Variants in SYT1 observed in about 807,000 individuals in gnomAD.
SYT1 encodes the protein synaptotagmin 1.
Under a neutral mutation model 44.8 loss-of-function variants are expected in SYT1, and 8 were observed. That is an observed-to-expected ratio of 0.18 (90% CI 0.10 to 0.32). The LOEUF (loss-of-function observed/expected upper bound fraction) is 0.32, where lower values mean the gene tolerates loss of function less well. SYT1 is among the 10% of genes least tolerant of loss of function. The probability of loss-of-function intolerance (pLI) is 1.00; values close to 1 mark genes in which losing one functional copy is unlikely to be tolerated. For missense variants in SYT1, 286 were observed against 509.3 expected (o/e 0.56, Z 4.22); for synonymous variants, 154 against 188.8 (o/e 0.82, Z 1.51).
intron 9 of SYT1, among the ~76,000 whole-genome samples, chr12:79,391,468 G>T (rs1162198137): frequency 1.3e-5 from 2 of 152,120 alleles, no homozygotes; most frequent in African/African-American, 4.8e-5. Flanking sequence ...TATTGCTTAA[G>T]ATTTTTGAAA....
chr12:79,159,940 C>T (rs1201970619), intron 3 of SYT1, among the ~76,000 whole-genome samples: 3 of 152,012 alleles, frequency 2.0e-5, no homozygotes, highest in African/African-American at 7.2e-5. Context: ...ATCACTGGTT[C>T]CAGCCACTGA....
intron 9 of SYT1, among the ~76,000 whole-genome samples, chr12:79,401,832 G>C (rs973256581): frequency 2.6e-5 from 4 of 151,810 alleles, no homozygotes; most frequent in African/African-American, 9.7e-5. Flanking sequence ...ACCATGTCCG[G>C]CTAATTATTT....
intron 4 of SYT1, among the ~76,000 whole-genome samples, chr12:79,238,111 G>A (rs1232164745): frequency 6.6e-6 from 1 of 152,098 alleles, no homozygotes; most frequent in Admixed American, 6.5e-5. Context: ...GGTTAACAGT[G>A]AGGTTGGTGT....
At chr12:79,300,818 T>TATAC (rs1432893781) in intron 8 of SYT1, among the ~76,000 whole-genome samples, 4 of 140,088 alleles carry the variant, frequency 2.9e-5, no homozygotes, top group Non-Finnish European at 6.1e-5. Context: ...TATATATATA[T>TATAC]ATATATTTAC....
intron 2 of SYT1, among the ~76,000 whole-genome samples, chr12:79,022,100 GA>G (rs997667952): frequency 3.3e-4 from 48 of 144,700 alleles, no homozygotes; most frequent in Admixed American, 1.2e-3. Context: ...ATTTGCGGAA[GA>G]AAAAAAAAAG....
intron 9 of SYT1, among the ~76,000 whole-genome samples, chr12:79,404,704 A>G (rs1885183935): frequency 6.6e-6 from 1 of 152,356 alleles, no homozygotes; most frequent in Non-Finnish European, 1.5e-5. Context: ...ATCAGATTGC[A>G]TAATGCAACG....
intron 1 of SYT1, among the ~76,000 whole-genome samples, chr12:78,943,820 T>G (rs1308106445): frequency 6.6e-6 from 1 of 152,198 alleles, no homozygotes; most frequent in East Asian, 1.9e-4. Context: ...ATGGTTCTTG[T>G]ACCTTGACAA....
chr12:79,376,303 G>C (rs1181027592), intron 9 of SYT1, among the ~76,000 whole-genome samples: 4 of 152,228 alleles, frequency 2.6e-5, no homozygotes, highest in Non-Finnish European at 5.9e-5. Context: ...AGGGCTGCTG[G>C]TTGCCCATTT....
At position 79,209,032 on chromosome 12, in the gene SYT1, C is replaced by T. The variant is rs932555331; in HGVS notation, c.-17-8471C>T. Among the ~76,000 whole-genome samples, 3 of 152,304 alleles carry T rather than the reference C, an allele frequency of 2.0e-5. No homozygotes were observed. In the East Asian group the frequency reaches 5.8e-4, roughly 29 times the overall value. ...TGGGTGTTTTAGGTTAGCCAAACTG[C>T]TGTGCTTCCAGTTGTTGTAAGGTCT... On this transcript the variant is annotated intron_variant, in intron 3 of 10. Coordinates refer to ENST00000261205, the MANE Select transcript of SYT1 (RefSeq NM_005639.3).
chr12:79,446,017 A>G (rs1053248388), intron 10 of SYT1, among the ~76,000 whole-genome samples: 2 of 127,286 alleles, frequency 1.6e-5, no homozygotes, highest in Non-Finnish European at 3.4e-5. Flanking sequence ...ATATATATAT[A>G]TATATATATA....
chr12:79,343,234 A>G (rs1882456413), intron 8 of SYT1, among the ~76,000 whole-genome samples: 1 of 152,202 alleles, frequency 6.6e-6, no homozygotes, highest in East Asian at 1.9e-4. Context: ...AGAGAAATCA[A>G]TGGAACATGA....
At chr12:79,363,399 A>T (rs1382612391) in intron 9 of SYT1, among the ~76,000 whole-genome samples, 1 of 152,066 alleles carries the variant, frequency 6.6e-6, no homozygotes, top group Non-Finnish European at 1.5e-5. Context: ...AATAATGCTC[A>T]GAAATGGAAA....
intron 3 of SYT1, among the ~76,000 whole-genome samples, chr12:79,147,433 C>G (rs767667843): frequency 3.3e-5 from 5 of 152,104 alleles, no homozygotes; most frequent in East Asian, 1.9e-4. Flanking sequence ...AGGTGTACAG[C>G]CTATTTTTTT....
chr12:78,876,866 A>ATATGTATTACATATAAT lies in SYT1; in HGVS notation c.-217+11757_-217+11758insTATGTATTACATATAAT, dbSNP rs1565697808. Among the ~76,000 whole-genome samples the ATATGTATTACATATAAT allele has an allele frequency of 2.3e-3, 30 of 12,858 alleles. 1 individual carries two copies. The highest frequency in any genetic ancestry group is 0.015 in the South Asian group (3 of 194). The allele number at this position is 12,858 out of a possible 152,430, so 8.4% of individuals were successfully genotyped here. ...AATATATATTATATATAATATATAT[A>ATATGTATTACATATAAT]ATATATTATATGTATTATATATAAT... On this transcript the variant is annotated intron_variant, in intron 1 of 10. Transcript: ENST00000261205.
intron 9 of SYT1, among the ~76,000 whole-genome samples, chr12:79,356,491 G>A (rs1883117991): frequency 1.3e-5 from 2 of 152,238 alleles, no homozygotes; most frequent in East Asian, 1.9e-4. Flanking sequence ...CATTTCAAAT[G>A]TGTCTAACCC....
intron 1 of SYT1, among the ~76,000 whole-genome samples, chr12:78,927,822 T>G (rs1448867610): frequency 1.3e-5 from 2 of 152,198 alleles, no homozygotes; most frequent in African/African-American, 4.8e-5. Context: ...TGCTTTCTCC[T>G]AGCTAACCGT....
intron 3 of SYT1, among the ~76,000 whole-genome samples, chr12:79,163,721 G>C (rs1013471696): frequency 1.3e-5 from 2 of 152,002 alleles, no homozygotes; most frequent in Non-Finnish European, 2.9e-5. Context: ...TTGGACAGCA[G>C]CACCCGCCAT....
At chr12:79,230,138 C>G (rs1463129966) in intron 4 of SYT1, among the ~76,000 whole-genome samples, 1 of 152,190 alleles carries the variant, frequency 6.6e-6, no homozygotes, top group Non-Finnish European at 1.5e-5. Context: ...CTATAATTAT[C>G]TGAACCTAAA....
chr12:78,964,364 T>C (rs1879662380), intron 1 of SYT1, among the ~76,000 whole-genome samples: 1 of 152,176 alleles, frequency 6.6e-6, no homozygotes, highest in East Asian at 1.9e-4. Context: ...TATCTGAATG[T>C]TTAAGATTCT....
Sources: allele counts gnomAD v4.1 joint callset (sites outside exome capture counted in the v4.1 genomes callset), GRCh38; gene constraint gnomAD v4.1.1; transcripts MANE v1.5; gene names NCBI Gene and HGNC (gene_info 2026-07-23, HGNC 2026-07-21).